The following XNDC1N variants were observed in gnomAD, a reference collection of about 807,000 sequenced individuals.
XNDC1N encodes XRCC1 N-terminal domain containing 1, N-terminal like.
the XNDC1N span, chr11:71,893,714 T>C: frequency 6.1e-6 from 8 of 1,304,876 alleles, no homozygotes; most frequent in South Asian, 6.2e-5. Flanking sequence ...CCCAATATGA[T>C]TGTGGACATG....
At chr11:71,890,659 G>C in the XNDC1N span, among the ~76,000 whole-genome samples, 2 of 152,106 alleles carry the variant, frequency 1.3e-5, no homozygotes, top group South Asian at 4.1e-4. Flanking sequence ...CTGGATATCA[G>C]AAACAATATC....
At chr11:71,916,053 T>A in the XNDC1N span, 1 of 691,120 alleles carries the variant, frequency 1.4e-6, no homozygotes, top group African/African-American at 1.8e-5. Context: ...CATTAAATCC[T>A]CACTCCATCA....
the XNDC1N span, among the ~76,000 whole-genome samples, chr11:71,911,418 T>C: frequency 3.9e-5 from 6 of 152,330 alleles, no homozygotes; most frequent in Admixed American, 6.5e-5. Context: ...GGGACCAGCC[T>C]TGGCCATCAG....
chr11:71,912,182 G>T, the XNDC1N span, among the ~76,000 whole-genome samples: 13 of 152,346 alleles, frequency 8.5e-5, no homozygotes, highest in African/African-American at 3.1e-4. Context: ...TGCGAGGCAA[G>T]GTCCAGCCGT....
chr11:71,895,642 C>T, the XNDC1N span, among the ~76,000 whole-genome samples: 2 of 152,234 alleles, frequency 1.3e-5, no homozygotes, highest in African/African-American at 2.4e-5. Context: ...TTAGCATTTA[C>T]ATTTTACATT....
the XNDC1N span, among the ~76,000 whole-genome samples, chr11:71,914,958 G>A: frequency 6.6e-6 from 1 of 152,212 alleles, no homozygotes; most frequent in African/African-American, 2.4e-5. Context: ...GAAAGAAGTT[G>A]TACTGTGGTT....
chr11:71,903,953 C>T, the XNDC1N span: 2 of 471,022 alleles, frequency 4.2e-6, no homozygotes, highest in Admixed American at 4.4e-5. Flanking sequence ...TTTTATGGAA[C>T]AGGCGTTGGA....
chr11:71,919,621 GTT>G, the XNDC1N span, among the ~76,000 whole-genome samples: 10 of 27,014 alleles, frequency 3.7e-4, no homozygotes, highest in African/African-American at 7.6e-4. Context: ...TTTTTTGTTT[GTT>G]TTTTTTTTTT....
the XNDC1N span, among the ~76,000 whole-genome samples, chr11:71,884,812 A>G: frequency 6.6e-6 from 1 of 152,170 alleles, no homozygotes; most frequent in African/African-American, 2.4e-5. Context: ...TGCGGGGAGT[A>G]AGAGCCAGCC....
At chr11:71,891,744 C>T in the XNDC1N span, among the ~76,000 whole-genome samples, 1 of 151,978 alleles carries the variant, frequency 6.6e-6, no homozygotes, top group East Asian at 1.9e-4. Flanking sequence ...GTGTACAACC[C>T]CTGCGATATT....
At chr11:71,873,196 G>A in the XNDC1N span, among the ~76,000 whole-genome samples, 8 of 152,050 alleles carry the variant, frequency 5.3e-5, no homozygotes, top group African/African-American at 1.9e-4. Flanking sequence ...CGATTCTTCA[G>A]TTGAGCAGTA....
At chr11:71,914,441 C>A in the XNDC1N span, 3 of 452,304 alleles carry the variant, frequency 6.6e-6, no homozygotes, top group South Asian at 1.6e-5. Flanking sequence ...AATCCCAGAA[C>A]TTTGGATGGC....
At chr11:71,916,050 T>C in the XNDC1N span, 1 of 691,574 alleles carries the variant, frequency 1.4e-6, no homozygotes, top group East Asian at 2.7e-5. Context: ...AAACATTAAA[T>C]CCTCACTCCA....
At chr11:71,895,325 T>C in the XNDC1N span, among the ~76,000 whole-genome samples, 1 of 152,138 alleles carries the variant, frequency 6.6e-6, no homozygotes, top group Non-Finnish European at 1.5e-5. Context: ...CCCTTTTTTT[T>C]TGAGTCAGAG....
chr11:71,926,129 A>C, the XNDC1N span: 1 of 151,754 alleles, frequency 6.6e-6, no homozygotes, highest in African/African-American at 2.4e-5. Flanking sequence ...AATTAGCCAA[A>C]TGTGGTGGCG....
At chr11:71,867,176 A>G in the XNDC1N span, among the ~76,000 whole-genome samples, 1 of 152,222 alleles carries the variant, frequency 6.6e-6, no homozygotes, top group African/African-American at 2.4e-5. Context: ...AACAAAAAAA[A>G]TTGAATAATC....
the XNDC1N span, among the ~76,000 whole-genome samples, chr11:71,873,380 G>A: frequency 6.6e-6 from 1 of 152,094 alleles, no homozygotes; most frequent in East Asian, 1.9e-4. Flanking sequence ...TGTTATGTAG[G>A]AATGTGTTGT....
the XNDC1N span, among the ~76,000 whole-genome samples, chr11:71,908,094 A>G: frequency 6.6e-6 from 1 of 152,224 alleles, no homozygotes; most frequent in African/African-American, 2.4e-5. Context: ...ATTACGAGCA[A>G]TATAACAGGT....
At chr11:71,889,703 G>A in the XNDC1N span, among the ~76,000 whole-genome samples, 4 of 152,188 alleles carry the variant, frequency 2.6e-5, no homozygotes, top group Admixed American at 6.5e-5. Context: ...GTTACCTGCC[G>A]ACAGCATGAT....
Sources: allele counts gnomAD v4.1 joint callset (sites outside exome capture counted in the v4.1 genomes callset), GRCh38; gene constraint gnomAD v4.1.1; transcripts MANE v1.5; gene names NCBI Gene and HGNC (gene_info 2026-07-23, HGNC 2026-07-21).